The following DRC8 variants were observed in gnomAD, a reference collection of about 807,000 sequenced individuals.
The protein encoded by DRC8 is dynein regulatory complex protein 8.
At chr1:245,037,877 G>C in the DRC8 span, among the ~76,000 whole-genome samples, 20 of 151,840 alleles carry the variant, frequency 1.3e-4, no homozygotes, top group African/African-American at 4.8e-4. Flanking sequence ...TGGAAAATAA[G>C]ACTCATTTAC....
chr1:244,974,805 C>A, the DRC8 span, among the ~76,000 whole-genome samples: 3 of 152,342 alleles, frequency 2.0e-5, no homozygotes, highest in African/African-American at 7.2e-5. Context: ...AGCGATTCCC[C>A]CGACCTCAGC....
the DRC8 span, among the ~76,000 whole-genome samples, chr1:245,037,178 A>C: frequency 6.6e-6 from 1 of 152,222 alleles, no homozygotes; most frequent in African/African-American, 2.4e-5. Flanking sequence ...TATAATGTTG[A>C]CACCAAAAAC....
At chr1:245,100,712 G>A in the DRC8 span, among the ~76,000 whole-genome samples, 2 of 151,720 alleles carry the variant, frequency 1.3e-5, no homozygotes, top group Admixed American at 6.6e-5. Flanking sequence ...TCCTTGGGAG[G>A]TTGAGGCTGC....
the DRC8 span, among the ~76,000 whole-genome samples, chr1:244,980,387 AG>A: frequency 6.6e-6 from 1 of 152,160 alleles, no homozygotes; most frequent in Admixed American, 6.6e-5. Context: ...TAAAAAATAA[AG>A]TTTTTTTTAG....
At chr1:245,071,251 A>T in the DRC8 span, among the ~76,000 whole-genome samples, 1 of 152,246 alleles carries the variant, frequency 6.6e-6, no homozygotes, top group Middle Eastern at 3.2e-3. Context: ...ATGCTAGAAA[A>T]GCCTGGATTG....
chr1:245,106,114 T>C, the DRC8 span, among the ~76,000 whole-genome samples: 9 of 152,332 alleles, frequency 5.9e-5, no homozygotes, highest in Admixed American at 5.2e-4. Flanking sequence ...GTGTGTGTCA[T>C]AGGTGGGCCT....
At chr1:245,123,173 C>T in the DRC8 span, 1 of 152,192 alleles carries the variant, frequency 6.6e-6, no homozygotes, top group Non-Finnish European at 1.5e-5. The surrounding 1 kb of genome is among the most constrained non-coding windows in gnomAD (Gnocchi z 5.0). Context: ...AAACGCAACT[C>T]CAAGTGGCAC....
the DRC8 span, among the ~76,000 whole-genome samples, chr1:245,008,697 A>G: frequency 7.3e-6 from 1 of 137,434 alleles, no homozygotes; most frequent in Non-Finnish European, 1.5e-5. Context: ...TTAAATTTTC[A>G]GAGCAAGATC....
chr1:245,115,982 G>A, the DRC8 span, among the ~76,000 whole-genome samples: 293 of 150,818 alleles, frequency 1.9e-3, 1 homozygote, highest in South Asian at 0.014. Context: ...TGCCTCCCGG[G>A]TTCAAGCAAT....
At chr1:245,067,274 C>T in the DRC8 span, among the ~76,000 whole-genome samples, 1,629 of 152,092 alleles carry the variant, frequency 0.011, 82 homozygotes, top group East Asian at 0.14. Flanking sequence ...TTACAGGTGC[C>T]GGCCAACATG....
At chr1:245,065,327 A>G in the DRC8 span, among the ~76,000 whole-genome samples, 2 of 152,028 alleles carry the variant, frequency 1.3e-5, no homozygotes, top group African/African-American at 2.4e-5. Context: ...TGCTCGGATT[A>G]TAGGTATGAG....
chr1:245,074,384 G>A, the DRC8 span, among the ~76,000 whole-genome samples: 3 of 152,082 alleles, frequency 2.0e-5, no homozygotes, highest in Admixed American at 1.3e-4. Context: ...GCGTGGGAGC[G>A]GCACTCACCC....
the DRC8 span, chr1:245,083,678 G>T: frequency 6.2e-7 from 1 of 1,609,200 alleles, no homozygotes. Flanking sequence ...TCAAGTATAT[G>T]ACTGAAGAAG....
the DRC8 span, among the ~76,000 whole-genome samples, chr1:244,997,970 C>CAAG: frequency 6.6e-6 from 1 of 151,710 alleles, no homozygotes. Context: ...CTGTCCATCT[C>CAAG]TTCCACTATC....
chr1:245,045,561 A>T, the DRC8 span, among the ~76,000 whole-genome samples: 1 of 152,082 alleles, frequency 6.6e-6, no homozygotes, highest in Non-Finnish European at 1.5e-5. Flanking sequence ...CGTCCATCTC[A>T]TGTAAATGAA....
At chr1:245,023,924 C>G in the DRC8 span, among the ~76,000 whole-genome samples, 144 of 152,220 alleles carry the variant, frequency 9.5e-4, no homozygotes, top group East Asian at 0.016. Context: ...AATCCCAGCA[C>G]TTTGGGAGGC....
At chr1:245,112,864 C>T in the DRC8 span, among the ~76,000 whole-genome samples, 1 of 152,064 alleles carries the variant, frequency 6.6e-6, no homozygotes, top group African/African-American at 2.4e-5. Flanking sequence ...AGCAGTTCTC[C>T]TGCCTCAGCC....
the DRC8 span, among the ~76,000 whole-genome samples, chr1:245,003,852 C>G: frequency 6.6e-6 from 1 of 152,126 alleles, no homozygotes; most frequent in Non-Finnish European, 1.5e-5. Flanking sequence ...AATCCTCCCC[C>G]CTCAGCCTCC....
the DRC8 span, among the ~76,000 whole-genome samples, chr1:245,092,446 G>A: frequency 6.6e-6 from 1 of 152,182 alleles, no homozygotes. Context: ...GAAGATCAGT[G>A]TCACTACCTT....
Sources: allele counts gnomAD v4.1 joint callset (sites outside exome capture counted in the v4.1 genomes callset), GRCh38; gene constraint gnomAD v4.1.1; non-coding constraint Gnocchi (gnomAD v3.1); transcripts MANE v1.5; gene names NCBI Gene and HGNC (gene_info 2026-07-23, HGNC 2026-07-21).